Variants in GRIK4 observed in about 807,000 individuals in gnomAD.
GRIK4 encodes the protein glutamate receptor ionotropic, kainate 4.
A neutral mutation model predicts 104.9 loss-of-function variants in GRIK4; 40 were observed. The observed-to-expected ratio is 0.38, with a 90% CI of 0.30 to 0.50. The LOEUF (loss-of-function observed/expected upper bound fraction) is 0.50. GRIK4 is among the 20% of genes least tolerant of loss of function. The pLI, the probability that GRIK4 is intolerant of heterozygous loss-of-function variation, is 0.93. For missense variants in GRIK4, 1,047 were observed against 1,308.1 expected, an observed-to-expected ratio of 0.80 and a Z score of 3.08; for synonymous variants, 485 against 524.9, an observed-to-expected ratio of 0.92 and a Z score of 1.04.
chr11:120,847,034 G>A (rs900761973), intron 8 of GRIK4, among the ~76,000 whole-genome samples: 2 of 152,174 alleles, frequency 1.3e-5, no homozygotes, highest in African/African-American at 2.4e-5. Context: ...CACCTGCTCC[G>A]TAGAGCCCTG....
chr11:120,875,162 C>T lies in GRIK4; in HGVS notation c.1083C>T (p.Gly361=). 1 of 1,610,578 alleles carries T rather than the reference C, an allele frequency of 6.2e-7. No homozygotes were observed. Among genetic ancestry groups the T allele is most frequent in the Non-Finnish European group, 8.5e-7 (1 of 1,176,860 alleles). ...AGGTAGAATTGGAAGGTCTTACCGGCCACATTGAATTCAACAGCAAAGGCC... is the reference window on the plus strand; with the variant it reads ...AGGTAGAATTGGAAGGTCTTACCGGTCACATTGAATTCAACAGCAAAGGCC... ...LRMVELEGLT[G]HIEFNSKGQR... is the part of the protein sequence containing the mutation. Residue 361 remains glycine (G), a synonymous_variant, in exon 11 of 21, where the codon GGC becomes GGT. Transcript: ENST00000527524.
chr11:120,854,118 C>T (rs940400098), intron 8 of GRIK4, among the ~76,000 whole-genome samples: 4 of 152,204 alleles, frequency 2.6e-5, no homozygotes, highest in East Asian at 3.8e-4. Flanking sequence ...CAGCCACATC[C>T]GTGGAAGCAG....
At chr11:120,648,720 A>G (rs1421655745) in intron 1 of GRIK4, among the ~76,000 whole-genome samples, 2 of 152,192 alleles carry the variant, frequency 1.3e-5, no homozygotes, top group East Asian at 1.9e-4. Context: ...TAAGGGGGTT[A>G]AGGAACAGGC....
chr11:120,599,224 C>T (rs1242898962), intron 1 of GRIK4, among the ~76,000 whole-genome samples: 1 of 152,232 alleles, frequency 6.6e-6, no homozygotes, highest in African/African-American at 2.4e-5. Context: ...GAAAACACAA[C>T]TTCCCTTTTG....
At chr11:120,868,430 G>A (rs1954485379) in intron 9 of GRIK4, 2 of 149,216 alleles carry the variant, frequency 1.3e-5, no homozygotes, top group African/African-American at 5.0e-5. Context: ...GAGAAGCAGA[G>A]ACAAAAGCGA....
rs1947839170 is a variant in GRIK4 at position 120,524,849 on chromosome 11, TG to T, written c.-159+12964del. Among the ~76,000 whole-genome samples the T allele has an allele frequency of 6.6e-6, 1 of 152,132 alleles. No homozygotes were observed. The highest frequency in any genetic ancestry group is 2.1e-4 in the South Asian group (1 of 4,828). On this transcript the variant is annotated intron_variant, in intron 1 of 20. Coordinates refer to ENST00000527524, the MANE Select transcript of GRIK4 (RefSeq NM_014619.5). This position sits in a 1 kb window ranked among gnomAD's most constrained non-coding sequence, Gnocchi z 4.5. ...CTGGGCAGGTCAGGATTGGGTACTG[TG>T]GTGGCAGAGAGCCCCAGGAAGAGGT...
At chr11:120,588,388 C>G (rs1352528853) in intron 1 of GRIK4, among the ~76,000 whole-genome samples, 1 of 152,166 alleles carries the variant, frequency 6.6e-6, no homozygotes, top group Non-Finnish European at 1.5e-5. Flanking sequence ...GGTACTTACT[C>G]TGTTCAGGCA....
rs538806822 is a variant in GRIK4, at chr11:120,727,905, T to C, written c.82+67505T>C. ...AAAGAAATTAAGAATGTGATAAATA[T>C]GGTTTGAGAGAAAAATGACAAATAT... On this transcript the variant is annotated intron_variant, in intron 3 of 20. Coordinates refer to ENST00000527524, the MANE Select transcript of GRIK4 (RefSeq NM_014619.5). 5.3e-5 allele frequency among the ~76,000 whole-genome samples: 8 copies of C among 152,148 alleles called. No individual in the cohort carries two copies. In the South Asian group the frequency reaches 1.0e-3, roughly 20 times the overall value.
chr11:120,688,769 G>A (rs187166324), intron 3 of GRIK4, among the ~76,000 whole-genome samples: 251 of 152,294 alleles, frequency 1.6e-3, no homozygotes, highest in African/African-American at 5.6e-3. Flanking sequence ...TGGAAGTAGA[G>A]CAATGGGGGT....
intron 8 of GRIK4, among the ~76,000 whole-genome samples, chr11:120,843,426 C>T (rs1953769941): frequency 1.3e-5 from 2 of 152,240 alleles, no homozygotes; most frequent in Non-Finnish European, 2.9e-5. Flanking sequence ...CAGGAGGCCT[C>T]ATTATTATAG....
chr11:120,561,863 C>T (rs1450972440), intron 1 of GRIK4, among the ~76,000 whole-genome samples: 2 of 152,238 alleles, frequency 1.3e-5, no homozygotes, highest in Non-Finnish European at 2.9e-5. Context: ...GCACGCTACA[C>T]AGCTGATGAT....
intron 5 of GRIK4, among the ~76,000 whole-genome samples, chr11:120,816,315 C>T (rs1030130868): frequency 6.6e-6 from 1 of 152,076 alleles, no homozygotes; most frequent in Non-Finnish European, 1.5e-5. Context: ...GAAATTGGCC[C>T]CTTAGCCCCT....
intron 1 of GRIK4, among the ~76,000 whole-genome samples, chr11:120,586,626 A>C (rs1948668171): frequency 6.6e-6 from 1 of 152,104 alleles, no homozygotes; most frequent in African/African-American, 2.4e-5. Context: ...GTGTGGACTC[A>C]GCGGTGCTTG....
At chr11:120,754,557 G>A (rs1226526469) in intron 3 of GRIK4, among the ~76,000 whole-genome samples, 1 of 152,126 alleles carries the variant, frequency 6.6e-6, no homozygotes, top group East Asian at 1.9e-4. Context: ...GAACATTCAT[G>A]TATATGTTTT....
At chr11:120,691,481 T>G (rs1197819154) in intron 3 of GRIK4, among the ~76,000 whole-genome samples, 2 of 152,220 alleles carry the variant, frequency 1.3e-5, no homozygotes, top group South Asian at 2.1e-4. Flanking sequence ...TCAGCATTGT[T>G]AAATAACTTT....
intron 12 of GRIK4, among the ~76,000 whole-genome samples, chr11:120,898,900 G>A (rs531674264): frequency 1.3e-5 from 2 of 152,302 alleles, no homozygotes; most frequent in East Asian, 1.9e-4. Context: ...GTCAGCTGGG[G>A]CAACTGTGCA....
chr11:120,630,628 C>T (rs1217814291), intron 1 of GRIK4, among the ~76,000 whole-genome samples: 1 of 152,234 alleles, frequency 6.6e-6, no homozygotes, highest in African/African-American at 2.4e-5. Context: ...GGGGAACTCT[C>T]TTGGGAGAGG....
At position 120,841,527 on chromosome 11, in the gene GRIK4, G is replaced by T. The variant is rs1023649975; in HGVS notation, c.744+4683G>T. Among the ~76,000 whole-genome samples the T allele has an allele frequency of 2.6e-4, 39 of 152,298 alleles. 1 individual carries two copies. Among genetic ancestry groups the T allele is most frequent in the Admixed American group, 2.2e-3 (34 of 15,290 alleles). ...TATCCGTTCATTCATCGATGGACAC[G>T]TGGGTCGCCTCCACCTTTTGGCTAT... is the stretch of plus-strand genomic sequence containing the variant. On this transcript the variant is annotated intron_variant, in intron 8 of 20. Coordinates refer to ENST00000527524, the MANE Select transcript of GRIK4 (RefSeq NM_014619.5).
chr11:120,710,964 GC>G (rs1440206057), intron 3 of GRIK4, among the ~76,000 whole-genome samples: 1 of 150,636 alleles, frequency 6.6e-6, no homozygotes, highest in Admixed American at 6.6e-5. Context: ...GGAGCACCAG[GC>G]GGCCCGGCCA....
Sources: allele counts gnomAD v4.1 joint callset (sites outside exome capture counted in the v4.1 genomes callset), GRCh38; gene constraint gnomAD v4.1.1; non-coding constraint Gnocchi (gnomAD v3.1); transcripts MANE v1.5; gene names NCBI Gene and HGNC (gene_info 2026-07-23, HGNC 2026-07-21).